The following ANTXR1 variants were observed in gnomAD, a reference collection of about 807,000 sequenced individuals.
ANTXR1 encodes the protein ANTXR cell adhesion molecule 1, also known as anthrax toxin receptor 1.
A neutral mutation model predicts 78.1 loss-of-function variants in ANTXR1; 19 were observed. The ratio of observed to expected loss-of-function variants is 0.24; its 90% CI spans 0.17 to 0.36. The LOEUF is 0.36. Ranked by LOEUF, ANTXR1 falls within the 10% of genes least tolerant of loss-of-function variation. The pLI is 1.00. For missense variants in ANTXR1, 518 were observed against 718.6 expected (o/e 0.72, Z 3.19); for synonymous variants, 273 against 260.5 (o/e 1.05, Z -0.46).
At chr2:69,158,636 C>T (rs913126510) in intron 13 of ANTXR1, among the ~76,000 whole-genome samples, 3 of 152,188 alleles carry the variant, frequency 2.0e-5, no homozygotes, top group Non-Finnish European at 4.4e-5. Context: ...TACAACCATT[C>T]TGTTTTTCAC....
intron 3 of ANTXR1, among the ~76,000 whole-genome samples, chr2:69,067,876 C>G (rs578065756): frequency 2.0e-5 from 3 of 152,266 alleles, no homozygotes; most frequent in East Asian, 1.9e-4. Flanking sequence ...GATATATGCC[C>G]TTTCTCATTA....
chr2:69,013,786 C>T lies in ANTXR1; in HGVS notation c.152+135C>T. 4.1e-6 allele frequency: 6 copies of T among 1,453,476 alleles called. No homozygotes were observed. Among genetic ancestry groups the T allele is most frequent in the Non-Finnish European group, 5.6e-6 (6 of 1,063,472 alleles). The allele number at this position is 1,453,476 out of a possible 1,614,324, so 90.0% of individuals were successfully genotyped here. On this transcript the variant is annotated intron_variant, in intron 1 of 17. Transcript: ENST00000303714. This position sits in a 1 kb window ranked among gnomAD's most constrained non-coding sequence, Gnocchi z 5.0. ...GGCCACAGAGGGACCGCGCGGCAGG[C>T]GGCGGCGGAGTGCTGCGCCTTTGTT...
chr2:69,172,022 T>C (rs1210971315), intron 14 of ANTXR1, among the ~76,000 whole-genome samples: 1 of 152,176 alleles, frequency 6.6e-6, no homozygotes, highest in African/African-American at 2.4e-5. Flanking sequence ...TGTCACTCTA[T>C]CAAAGGGATA....
chr2:69,050,879 C>A (rs1172685831), intron 3 of ANTXR1, among the ~76,000 whole-genome samples: 1 of 152,076 alleles, frequency 6.6e-6, no homozygotes, highest in Admixed American at 6.6e-5. Flanking sequence ...TAAATGTATT[C>A]ATCAGTTCTG....
At chr2:69,150,836 A>G (rs1180312049) in intron 12 of ANTXR1, among the ~76,000 whole-genome samples, 1 of 152,046 alleles carries the variant, frequency 6.6e-6, no homozygotes, top group African/African-American at 2.4e-5. Flanking sequence ...CTGGACAACA[A>G]AGTGAGACTC....
intron 14 of ANTXR1, among the ~76,000 whole-genome samples, chr2:69,176,219 T>G (rs1318075188): frequency 6.6e-6 from 1 of 152,134 alleles, no homozygotes; most frequent in East Asian, 1.9e-4. Context: ...AACACCTTAT[T>G]CTTTACTGAA....
At chr2:69,035,220 G>A (rs1441101276) in intron 1 of ANTXR1, among the ~76,000 whole-genome samples, 1 of 152,140 alleles carries the variant, frequency 6.6e-6, no homozygotes, top group Non-Finnish European at 1.5e-5. Context: ...AGCTGGGATT[G>A]GTGGGTGGTG....
At chr2:69,127,580 G>A (rs1672581769) in intron 12 of ANTXR1, among the ~76,000 whole-genome samples, 1 of 152,150 alleles carries the variant, frequency 6.6e-6, no homozygotes, top group African/African-American at 2.4e-5. Context: ...GCTGAAGGCA[G>A]ACAGAGACAA....
intron 10 of ANTXR1, among the ~76,000 whole-genome samples, chr2:69,117,058 G>C (rs1280866263): frequency 6.6e-6 from 1 of 152,212 alleles, no homozygotes; most frequent in Non-Finnish European, 1.5e-5. Context: ...CTTCATTCTA[G>C]TTGGCATGAC....
At chr2:69,161,087 T>C (rs550269804) in intron 13 of ANTXR1, among the ~76,000 whole-genome samples, 2 of 152,316 alleles carry the variant, frequency 1.3e-5, no homozygotes, top group East Asian at 3.9e-4. Flanking sequence ...AAAAATCGGC[T>C]TTCCCGTAAC....
chr2:69,069,320 T>C (rs1234106302), intron 3 of ANTXR1, among the ~76,000 whole-genome samples: 2 of 152,074 alleles, frequency 1.3e-5, no homozygotes, highest in Non-Finnish European at 2.9e-5. Flanking sequence ...TAGGTAAGAG[T>C]GGCCTTGGGT....
chr2:69,080,694 A>AT (rs1261028253), intron 8 of ANTXR1, among the ~76,000 whole-genome samples: 1 of 152,218 alleles, frequency 6.6e-6, no homozygotes, highest in African/African-American at 2.4e-5. Flanking sequence ...TAAAATTGTG[A>AT]TAACAGGAAT....
chr2:69,210,339 T>TTAG (rs1157283732), intron 17 of ANTXR1, among the ~76,000 whole-genome samples: 1 of 152,248 alleles, frequency 6.6e-6, no homozygotes, highest in Non-Finnish European at 1.5e-5. Context: ...TGCCTAGCTG[T>TTAG]TAGCGTCTTA....
intron 1 of ANTXR1, among the ~76,000 whole-genome samples, chr2:69,018,553 G>A (rs1365625282): frequency 1.3e-5 from 2 of 152,210 alleles, no homozygotes; most frequent in East Asian, 1.9e-4. Context: ...GGGAACTTGT[G>A]TGAGTCTTGC....
Position 69,219,384 on chromosome 2 carries a change from GACACACACAC to G in ANTXR1, c.1435-25812_1435-25803del, listed in dbSNP as rs377200577. Among the ~76,000 whole-genome samples the G allele has an allele frequency of 6.1e-3, 809 of 132,312 alleles. 11 individuals are homozygous for G. The highest frequency in any genetic ancestry group is 0.021 in the African/African-American group (771 of 36,822). The allele number at this position is 132,312 out of a possible 152,430, so 86.8% of individuals were successfully genotyped here. On this transcript the variant is annotated intron_variant, in intron 17 of 17. Transcript: ENST00000303714. The stretch of plus-strand genomic sequence containing the variant: ...ACATCACAGTGTCCACCAGAAGGAG[GACACACACAC>G]ACACACACACACACACACACACACA...
chr2:69,027,621 A>AGTGTGT (rs10631795), intron 1 of ANTXR1, among the ~76,000 whole-genome samples: 2,867 of 146,900 alleles, frequency 0.02, 85 homozygotes, highest in African/African-American at 0.066. Flanking sequence ...AGATGATGCA[A>AGTGTGT]GTGTGTGTGT....
At chr2:69,102,582 C>T (rs1007161956) in intron 9 of ANTXR1, among the ~76,000 whole-genome samples, 36 of 152,244 alleles carry the variant, frequency 2.4e-4, no homozygotes, top group African/African-American at 8.4e-4. Flanking sequence ...AGGTGTTCTG[C>T]GTTAGGAGGA....
At chr2:69,078,448 AGGGCTCAGCAT>A (rs1239446927) in intron 8 of ANTXR1, among the ~76,000 whole-genome samples, 1 of 152,174 alleles carries the variant, frequency 6.6e-6, no homozygotes, top group Non-Finnish European at 1.5e-5. Flanking sequence ...TTACCGGCCA[AGGGCTCAGCAT>A]CTGCCAGCCC....
At chr2:69,114,278 A>T (rs1672072048) in intron 10 of ANTXR1, among the ~76,000 whole-genome samples, 1 of 152,262 alleles carries the variant, frequency 6.6e-6, no homozygotes, top group Non-Finnish European at 1.5e-5. Flanking sequence ...GATTAATACA[A>T]ATAACAACAC....
Sources: allele counts gnomAD v4.1 joint callset (sites outside exome capture counted in the v4.1 genomes callset), GRCh38; gene constraint gnomAD v4.1.1; non-coding constraint Gnocchi (gnomAD v3.1); transcripts MANE v1.5; gene names NCBI Gene and HGNC (gene_info 2026-07-23, HGNC 2026-07-21).